The following EPHA6 variants were observed in gnomAD, a reference collection of about 807,000 sequenced individuals.
The protein encoded by EPHA6 is EPH receptor A6, also known as ephrin type-A receptor 6.
Under a neutral mutation model 112.0 loss-of-function variants are expected in EPHA6, and 50 were observed. That is an observed-to-expected ratio of 0.45 (90% confidence interval 0.36 to 0.56). The LOEUF (loss-of-function observed/expected upper bound fraction) is 0.56, where lower values mean the gene tolerates loss of function less well. Ranked by LOEUF, EPHA6 falls within the 20% of genes least tolerant of loss-of-function variation. The pLI, the probability that EPHA6 is intolerant of heterozygous loss-of-function variation, is 0.00. For missense variants in EPHA6, 1,280 were observed against 1,417.4 expected, an observed-to-expected ratio of 0.90 and a Z score of 1.56; for synonymous variants, 529 against 490.7, an observed-to-expected ratio of 1.08 and a Z score of -1.03.
intron 6 of EPHA6, among the ~76,000 whole-genome samples, chr3:97,405,999 G>A (rs1246894390): frequency 6.6e-6 from 1 of 152,022 alleles, no homozygotes; most frequent in Non-Finnish European, 1.5e-5. Flanking sequence ...CAATTCTGAA[G>A]TGTCTTATTG....
intron 6 of EPHA6, among the ~76,000 whole-genome samples, chr3:97,419,709 A>T (rs1237843014): frequency 1.3e-5 from 2 of 152,184 alleles, no homozygotes; most frequent in Admixed American, 6.5e-5. Context: ...AATCATTACC[A>T]CAAGAGCAAA....
chr3:96,881,640 C>T (rs1034184944), intron 2 of EPHA6, among the ~76,000 whole-genome samples: 1 of 152,184 alleles, frequency 6.6e-6, no homozygotes, highest in Non-Finnish European at 1.5e-5. Context: ...CAAAACCAAT[C>T]ATGCCTTCCC....
chr3:97,529,195 C>T (rs1323382277), intron 10 of EPHA6, among the ~76,000 whole-genome samples: 1 of 152,096 alleles, frequency 6.6e-6, no homozygotes, highest in East Asian at 1.9e-4. Context: ...AGCATGGACT[C>T]TGAAACCAGA....
chr3:96,945,942 C>A (rs2041233385), intron 2 of EPHA6, among the ~76,000 whole-genome samples: 1 of 152,070 alleles, frequency 6.6e-6, no homozygotes, highest in Non-Finnish European at 1.5e-5. Flanking sequence ...ATTATAGTAT[C>A]ATACACAGTA....
chr3:96,930,562 C>A (rs1423773866), intron 2 of EPHA6, among the ~76,000 whole-genome samples: 1 of 152,146 alleles, frequency 6.6e-6, no homozygotes, highest in African/African-American at 2.4e-5. Context: ...AACATTGTAG[C>A]CTCCTCCTTC....
chr3:97,026,709 A>G (rs2044651540), intron 3 of EPHA6, among the ~76,000 whole-genome samples: 1 of 152,340 alleles, frequency 6.6e-6, no homozygotes, highest in East Asian at 1.9e-4. Flanking sequence ...GTCATTAGAG[A>G]AATGCAAATC....
chr3:97,187,299 C>T (rs544135393), intron 3 of EPHA6, among the ~76,000 whole-genome samples: 11 of 151,976 alleles, frequency 7.2e-5, no homozygotes, highest in South Asian at 2.1e-4. Context: ...ATATATAAGC[C>T]GGGCACGGTG....
intron 3 of EPHA6, among the ~76,000 whole-genome samples, chr3:97,141,005 A>T (rs984761409): frequency 6.6e-6 from 1 of 152,152 alleles, no homozygotes; most frequent in Non-Finnish European, 1.5e-5. Context: ...CAAGCAAAAA[A>T]CAATGATGAC....
Position 96,826,063 on chromosome 3 carries a change from A to G in EPHA6, c.385+11055A>G, listed in dbSNP as rs1283886773. Among the ~76,000 whole-genome samples, 4 of 152,028 alleles carry G rather than the reference A, an allele frequency of 2.6e-5. No individual in the cohort carries two copies. The South Asian group carries it at 6.2e-4, about 24-fold the overall frequency. On this transcript the variant is annotated intron_variant, in intron 1 of 17. Coordinates refer to ENST00000389672, the MANE Select transcript of EPHA6 (RefSeq NM_001080448.3). ...CATCATTTTTAAATTGTGAAAATAA[A>G]TATTTTTATAAGGTTAGATTAATAT...
chr3:97,514,237 TC>T (rs1236047773), intron 10 of EPHA6, among the ~76,000 whole-genome samples: 1 of 152,160 alleles, frequency 6.6e-6, no homozygotes, highest in East Asian at 1.9e-4. Context: ...AAGATGGCCT[TC>T]ATTCCTTGGC....
intron 3 of EPHA6, among the ~76,000 whole-genome samples, chr3:97,212,957 C>G (rs890659890): frequency 1.3e-5 from 2 of 152,098 alleles, no homozygotes; most frequent in African/African-American, 4.8e-5. Context: ...TGTTGATGTC[C>G]TCTTCTCTAC....
intron 2 of EPHA6, among the ~76,000 whole-genome samples, chr3:96,981,772 T>A (rs1170917076): frequency 2.0e-5 from 3 of 152,104 alleles, no homozygotes; most frequent in Non-Finnish European, 4.4e-5. Context: ...TTCTTCCTGG[T>A]TTAGTCTTGG....
At chr3:97,391,155 T>G (rs957580371) in intron 5 of EPHA6, among the ~76,000 whole-genome samples, 2 of 152,022 alleles carry the variant, frequency 1.3e-5, no homozygotes, top group African/African-American at 4.8e-5. Flanking sequence ...TAATTCTACT[T>G]TCATAAAATG....
chr3:97,585,100 A>T (rs1263872106), intron 11 of EPHA6, among the ~76,000 whole-genome samples: 1 of 152,186 alleles, frequency 6.6e-6, no homozygotes, highest in East Asian at 1.9e-4. Context: ...AGGCAAAACC[A>T]CTGGTCCCAG....
intron 3 of EPHA6, among the ~76,000 whole-genome samples, chr3:97,153,501 A>G (rs966499884): frequency 2.0e-5 from 3 of 152,152 alleles, no homozygotes; most frequent in African/African-American, 7.2e-5. Flanking sequence ...AAAAATTACA[A>G]TATGCATATT....
chr3:97,288,813 T>G (rs558195467), intron 5 of EPHA6, among the ~76,000 whole-genome samples: 1 of 152,162 alleles, frequency 6.6e-6, no homozygotes, highest in Admixed American at 6.5e-5. Flanking sequence ...TTATTTGCAT[T>G]TTTCTGATGA....
At chr3:97,224,697 A>G (rs1287117287) in intron 3 of EPHA6, among the ~76,000 whole-genome samples, 3 of 152,080 alleles carry the variant, frequency 2.0e-5, no homozygotes, top group African/African-American at 4.8e-5. Flanking sequence ...AAACGGTCTT[A>G]TTCTACAGAA....
chr3:96,894,799 G>A (rs560299119), intron 2 of EPHA6, among the ~76,000 whole-genome samples: 42 of 152,100 alleles, frequency 2.8e-4, no homozygotes, highest in Non-Finnish European at 4.4e-4. Context: ...GAATAGGAAT[G>A]CATAGATGAA....
intron 14 of EPHA6, among the ~76,000 whole-genome samples, chr3:97,718,896 G>C (rs1244686465): frequency 6.6e-6 from 1 of 152,062 alleles, no homozygotes; most frequent in African/African-American, 2.4e-5. Flanking sequence ...TCTAAACCTT[G>C]AAATTTCCAA....
Sources: allele counts gnomAD v4.1 joint callset (sites outside exome capture counted in the v4.1 genomes callset), GRCh38; gene constraint gnomAD v4.1.1; transcripts MANE v1.5; gene names NCBI Gene and HGNC (gene_info 2026-07-23, HGNC 2026-07-21).